The following MAST4 variants were observed in gnomAD, a reference collection of about 807,000 sequenced individuals.
The protein encoded by MAST4 is microtubule-associated serine/threonine-protein kinase 4.
Under a neutral mutation model 162.7 loss-of-function variants are expected in MAST4, and 89 were observed. The observed-to-expected ratio is 0.55, with a 90% CI of 0.46 to 0.65. The LOEUF (loss-of-function observed/expected upper bound fraction) is 0.65. Among genes scored for constraint, MAST4 ranks in the 30% least tolerant of loss-of-function variants. The pLI is 0.00. For missense variants in MAST4, 3,153 were observed against 3,374.0 expected (o/e 0.93, Z 1.62); for synonymous variants, 1,479 against 1,361.1 (o/e 1.09, Z -1.91).
chr5:66,981,353 C>T (rs530349096), intron 4 of MAST4, among the ~76,000 whole-genome samples: 6 of 152,326 alleles, frequency 3.9e-5, no homozygotes, highest in Non-Finnish European at 8.8e-5. Context: ...CGTTTCTCTA[C>T]TTTAGGAATG....
At chr5:66,701,070 T>A (rs1362624661) in intron 1 of MAST4, among the ~76,000 whole-genome samples, 2 of 152,144 alleles carry the variant, frequency 1.3e-5, no homozygotes, top group African/African-American at 4.8e-5. Context: ...TTAATGTAAT[T>A]AAGTAATTAC....
At chr5:66,755,878 C>G (rs1477347463) in intron 1 of MAST4, among the ~76,000 whole-genome samples, 2 of 152,098 alleles carry the variant, frequency 1.3e-5, no homozygotes, top group Non-Finnish European at 2.9e-5. Flanking sequence ...ATGGCCAAGC[C>G]ACAATGTCAT....
intron 4 of MAST4, among the ~76,000 whole-genome samples, chr5:67,034,958 G>A (rs1755831866): frequency 6.6e-6 from 1 of 152,158 alleles, no homozygotes; most frequent in South Asian, 2.1e-4. Context: ...CTATAGGACT[G>A]CTGGTTTAGA....
intron 14 of MAST4, among the ~76,000 whole-genome samples, chr5:67,129,188 C>T (rs1472272877): frequency 6.6e-6 from 1 of 152,164 alleles, no homozygotes; most frequent in African/African-American, 2.4e-5. Context: ...ATCGTTGGCC[C>T]GCTCTTATGC....
In MAST4 at chr5:67,165,755, C is replaced by G. The variant is rs56201012; in HGVS notation, c.6576C>G (p.His2192Gln). The change falls in exon 29 of 29, where the codon CAC becomes CAG. Residue 2192 changes from histidine (H) to glutamine (Q), a missense_variant. Coordinates refer to ENST00000403625, the MANE Select transcript of MAST4 (RefSeq NM_001164664.2). ...CTGCGCACAGTGAAAGCAGCAGCCA[C>G]AAGCCCCGGCCTGGCCCTGACCCGG... is the stretch of plus-strand genomic sequence containing the variant. ...PVAAHSESSS[H>Q]KPRPGPDPGP... The G allele has an allele frequency of 4.3e-5, 68 of 1,589,860 alleles. No homozygotes were observed. The African/African-American group carries it at 8.6e-4, about 20-fold the overall frequency.
intron 4 of MAST4, among the ~76,000 whole-genome samples, chr5:66,936,138 G>C (rs888652244): frequency 3.9e-5 from 6 of 152,138 alleles, no homozygotes; most frequent in Non-Finnish European, 8.8e-5. Flanking sequence ...TCTTGTCTTT[G>C]TGTTATTCTG....
chr5:66,967,496 G>T (rs1746884764), intron 4 of MAST4, among the ~76,000 whole-genome samples: 1 of 151,984 alleles, frequency 6.6e-6, no homozygotes, highest in South Asian at 2.1e-4. Context: ...AGACAAATTT[G>T]GGCGCAGTAT....
chr5:66,828,838 G>A (rs1190088627), intron 3 of MAST4: 2 of 1,606,670 alleles, frequency 1.2e-6, no homozygotes, highest in Admixed American at 3.4e-5. Context: ...GAAAGCAGAG[G>A]GTGAGATGGA....
chr5:66,984,400 T>C (rs1218061575), intron 4 of MAST4, among the ~76,000 whole-genome samples: 2 of 152,020 alleles, frequency 1.3e-5, no homozygotes, highest in Non-Finnish European at 2.9e-5. Flanking sequence ...ACTTCATAAG[T>C]TGGAGTAAGG....
intron 3 of MAST4, among the ~76,000 whole-genome samples, chr5:66,808,787 G>A (rs1756331587): frequency 6.6e-6 from 1 of 152,108 alleles, no homozygotes; most frequent in African/African-American, 2.4e-5. Flanking sequence ...TCTGTGTTCT[G>A]GTGGAATCGT....
chr5:67,114,016 G>A, intron 11 of MAST4, 71 bp from the exon 12 acceptor site: 2 of 1,566,384 alleles, frequency 1.3e-6, no homozygotes, highest in Non-Finnish European at 1.7e-6. Flanking sequence ...TATTGTGAAT[G>A]GGATTTATGT....
At position 67,102,580 on chromosome 5, in the gene MAST4, T is replaced by A. The variant is rs1561654691; in HGVS notation, c.1115T>A (p.Met372Lys). ...PACCDHEIIM[M>K]NHVYKERFPK... ...TGCTGTGACCATGAAATAATTATGA[T>A]GAACCATGTCTACAAAGAAAGGTTC... Residue 372 changes from methionine to lysine, a missense_variant, in exon 9 of 29, where the codon ATG becomes AAG. By Grantham distance (95) the Met-to-Lys change is moderately conservative (BLOSUM62 -1). Transcript: ENST00000403625. 1 of 1,614,022 alleles carries A rather than the reference T, an allele frequency of 6.2e-7. No homozygotes were observed. The highest frequency in any genetic ancestry group is 8.5e-7 in the Non-Finnish European group (1 of 1,179,874).
chr5:67,115,888 T>A (rs76195374), intron 12 of MAST4, among the ~76,000 whole-genome samples: 5 of 152,172 alleles, frequency 3.3e-5, no homozygotes, highest in Admixed American at 2.0e-4. Flanking sequence ...TTTTTTTTTT[T>A]ATGAAAATAG....
intron 1 of MAST4, among the ~76,000 whole-genome samples, chr5:66,716,915 T>C (rs59027979): frequency 6.6e-6 from 1 of 152,296 alleles, no homozygotes; most frequent in African/African-American, 2.4e-5. Flanking sequence ...CCAAGCAATA[T>C]CCATTCAACA....
intron 4 of MAST4, among the ~76,000 whole-genome samples, chr5:67,052,997 A>C (rs1437746720): frequency 6.6e-6 from 1 of 152,214 alleles, no homozygotes; most frequent in Non-Finnish European, 1.5e-5. Context: ...GGTTGAATAC[A>C]TACATTTCTT....
intron 4 of MAST4, among the ~76,000 whole-genome samples, chr5:66,914,777 A>T (rs1414395858): frequency 6.6e-6 from 1 of 152,164 alleles, no homozygotes; most frequent in Non-Finnish European, 1.5e-5. Context: ...ATGACATTTG[A>T]CAATATCTAG....
At chr5:66,957,409 C>T (rs1160903658) in intron 4 of MAST4, among the ~76,000 whole-genome samples, 1 of 152,088 alleles carries the variant, frequency 6.6e-6, no homozygotes, top group Non-Finnish European at 1.5e-5. Flanking sequence ...CTGCTGGACT[C>T]AAACCGTCTT....
chr5:66,666,509 T>C (rs988243303), intron 1 of MAST4, among the ~76,000 whole-genome samples: 45 of 152,242 alleles, frequency 3.0e-4, no homozygotes, highest in Non-Finnish European at 7.3e-5. Flanking sequence ...TTTGCTTTTT[T>C]CATTTGACTT....
chr5:66,963,744 C>G (rs747192981), intron 4 of MAST4: 2 of 779,822 alleles, frequency 2.6e-6, no homozygotes, highest in South Asian at 2.7e-5. Flanking sequence ...CCCATCCAGC[C>G]CAGGCAGTCC....
Sources: gnomAD v4.1 joint callset for allele counts (sites outside exome capture counted in the v4.1 genomes callset) on GRCh38, gnomAD v4.1.1 for gene constraint, MANE v1.5 for transcripts, NCBI Gene and HGNC (gene_info 2026-07-23, HGNC 2026-07-21) for gene names.